PTPRF: variants seen among roughly 807,000 people sequenced by gnomAD.
PTPRF encodes the protein protein tyrosine phosphatase receptor type F, also known as receptor-type tyrosine-protein phosphatase F.
In PTPRF, 59 loss-of-function variants were observed where a neutral mutation model predicts 201.8. That is an observed-to-expected ratio of 0.29 (90% CI 0.24 to 0.36). The LOEUF (loss-of-function observed/expected upper bound fraction) is 0.36. Ranked by LOEUF, PTPRF falls within the 10% of genes least tolerant of loss-of-function variation. The pLI is 1.00. For synonymous variants in PTPRF, 1,088 were observed against 1,089.7 expected, an observed-to-expected ratio of 1.00 and a Z score of 0.03; for missense variants, 2,132 against 2,690.5, an observed-to-expected ratio of 0.79 and a Z score of 4.59.
chr1:43,615,392 G>A (rs1007429836), intron 23 of PTPRF, among the ~76,000 whole-genome samples: 2 of 151,882 alleles, frequency 1.3e-5, no homozygotes, highest in African/African-American at 2.4e-5. Flanking sequence ...ATCTGGGCTC[G>A]TGGGGCCTCT....
At chr1:43,618,366 C>T (rs1219651711) in intron 25 of PTPRF, among the ~76,000 whole-genome samples, 2 of 152,174 alleles carry the variant, frequency 1.3e-5, no homozygotes, top group Non-Finnish European at 2.9e-5. Flanking sequence ...GTAAATTTGG[C>T]AGAAAATGTG....
Position 43,617,433 on chromosome 1 carries a change from C to T in PTPRF, c.4072-12C>T. 1 of 1,614,054 alleles carries T rather than the reference C, an allele frequency of 6.2e-7. No homozygotes were observed. On this transcript the variant is annotated splice_polypyrimidine_tract_variant and intron_variant, in intron 23 of 33. Coordinates refer to ENST00000359947, the MANE Select transcript of PTPRF (RefSeq NM_002840.5). ...CTTACCCCACCCCACCCGCTTTCTC[C>T]ATTCTCTGCAGTCCATCGACCCTGG...
intron 21 of PTPRF, among the ~76,000 whole-genome samples, chr1:43,607,212 G>A (rs1570602197): frequency 1.3e-5 from 2 of 152,250 alleles, no homozygotes; most frequent in African/African-American, 2.4e-5. Flanking sequence ...TCAGAGGGTT[G>A]TCTCATGTGC....
chr1:43,565,032 G>T (rs1570010221), intron 5 of PTPRF, among the ~76,000 whole-genome samples: 1 of 151,996 alleles, frequency 6.6e-6, no homozygotes, highest in South Asian at 2.1e-4. Context: ...CACCAGACTC[G>T]CCTTGGTACT....
At chr1:43,602,682 G>A (rs1025684691) in intron 14 of PTPRF, among the ~76,000 whole-genome samples, 4 of 152,160 alleles carry the variant, frequency 2.6e-5, no homozygotes, top group African/African-American at 9.7e-5. Context: ...ACCTCCCATG[G>A]TGTTTCTCCG....
chr1:43,617,377 C>G, intron 23 of PTPRF, 68 bp from the exon 24 acceptor site: 1 of 1,597,678 alleles, frequency 6.3e-7, no homozygotes, highest in Non-Finnish European at 8.6e-7. Flanking sequence ...AAGGCTGGGT[C>G]CCCTGCAGGA....
At chr1:43,535,041 A>C (rs1643917782) in intron 1 of PTPRF, among the ~76,000 whole-genome samples, 1 of 152,154 alleles carries the variant, frequency 6.6e-6, no homozygotes, top group Non-Finnish European at 1.5e-5. Flanking sequence ...AATCATCCTC[A>C]ACTGGGATGG....
At chr1:43,536,375 T>G (rs536415961) in intron 1 of PTPRF, among the ~76,000 whole-genome samples, 2 of 152,260 alleles carry the variant, frequency 1.3e-5, no homozygotes, top group South Asian at 4.2e-4. Flanking sequence ...TGCCTCAGGG[T>G]CTTTGCAAAT....
At chr1:43,616,386 T>C (rs1205951570) in intron 23 of PTPRF, among the ~76,000 whole-genome samples, 1 of 151,646 alleles carries the variant, frequency 6.6e-6, no homozygotes, top group Non-Finnish European at 1.5e-5. Context: ...AAGCAGGAAA[T>C]TGATATTCAC....
At chr1:43,578,718 C>A in intron 6 of PTPRF, 92 bp from the exon 7 acceptor site, 1 of 934,508 alleles carries the variant, frequency 1.1e-6, no homozygotes, top group Non-Finnish European at 1.7e-6. Flanking sequence ...ATCTGGTCAA[C>A]ATCAGCCACA....
chr1:43,591,982 T>C, intron 10 of PTPRF, 34 bp downstream of exon 10: 1 of 1,610,354 alleles, frequency 6.2e-7, no homozygotes, highest in Non-Finnish European at 8.5e-7. Flanking sequence ...TGAGGGGGTC[T>C]CCTGGTCCCT....
chr1:43,583,863 T>G (rs1464509941), intron 7 of PTPRF, among the ~76,000 whole-genome samples: 2 of 152,164 alleles, frequency 1.3e-5, no homozygotes, highest in Non-Finnish European at 2.9e-5. Context: ...CCGTGTCTGT[T>G]TGAGGGTGGA....
chr1:43,572,811 T>C (rs1292172972), intron 6 of PTPRF, among the ~76,000 whole-genome samples: 1 of 152,122 alleles, frequency 6.6e-6, no homozygotes, highest in Non-Finnish European at 1.5e-5. Context: ...AGGGAGTCAC[T>C]TGGGGTCACA....
chr1:43,559,675 C>T (rs911993820), intron 5 of PTPRF, among the ~76,000 whole-genome samples: 2 of 143,844 alleles, frequency 1.4e-5, no homozygotes, highest in African/African-American at 5.3e-5. Flanking sequence ...GTGCAGCATG[C>T]GGCGAGTACT....
Position 43,546,426 on chromosome 1 carries a change from T to C in PTPRF, c.91+1260T>C, listed in dbSNP as rs539875398. Among the ~76,000 whole-genome samples, 2 of 152,018 alleles carry C rather than the reference T, an allele frequency of 1.3e-5. No homozygotes were observed. Among genetic ancestry groups the C allele is most frequent in the South Asian group, 4.2e-4 (2 of 4,814 alleles). On this transcript the variant is annotated intron_variant, in intron 3 of 33. Coordinates refer to ENST00000359947, the MANE Select transcript of PTPRF (RefSeq NM_002840.5). This position sits in a 1 kb window ranked among gnomAD's most constrained non-coding sequence, Gnocchi z 4.2. The stretch of plus-strand genomic sequence containing the variant: ...TCACATGGGGAAGTGGGGCAGGGGA[T>C]CTCCAGGCCTGGCTGGAACCTGCAG...
At chr1:43,618,199 ATTC>A (rs1157288980) in intron 25 of PTPRF, among the ~76,000 whole-genome samples, 1 of 152,068 alleles carries the variant, frequency 6.6e-6, no homozygotes, top group Non-Finnish European at 1.5e-5. Flanking sequence ...TTCCCGGGGT[ATTC>A]ATGTGTTCCC....
intron 6 of PTPRF, chr1:43,576,070 C>T (rs1180879525): frequency 1.6e-6 from 1 of 624,646 alleles, no homozygotes; most frequent in Non-Finnish European, 2.6e-6. Flanking sequence ...CCCCCAACAC[C>T]ACCGGCCACC....
upstream of PTPRF, among the ~76,000 whole-genome samples, chr1:43,524,941 A>G (rs1370039936): frequency 2.0e-5 from 3 of 152,198 alleles, no homozygotes; most frequent in Non-Finnish European, 2.9e-5. Flanking sequence ...GAGGGCCCCT[A>G]TGTAGTCCCT....
intron 1 of PTPRF, among the ~76,000 whole-genome samples, chr1:43,531,515 C>G (rs1452094105): frequency 6.8e-6 from 1 of 147,078 alleles, no homozygotes; most frequent in East Asian, 2.0e-4. Context: ...GACCCCCCAG[C>G]CCCGGGCTCC....
Sources: gnomAD v4.1 joint callset for allele counts (sites outside exome capture counted in the v4.1 genomes callset) on GRCh38, gnomAD v4.1.1 for gene constraint, Gnocchi (gnomAD v3.1) non-coding constraint, MANE v1.5 for transcripts, NCBI Gene and HGNC (gene_info 2026-07-23, HGNC 2026-07-21) for gene names.